The following CRACR2A variants were observed in gnomAD, a reference collection of about 807,000 sequenced individuals.
CRACR2A encodes the protein calcium release activated channel regulator 2A, also known as EF-hand calcium-binding domain-containing protein 4B.
A neutral mutation model predicts 90.5 loss-of-function variants in CRACR2A; 79 were observed. That is an observed-to-expected ratio of 0.87 (90% CI 0.73 to 1.05). CRACR2A has a LOEUF of 1.05. CRACR2A is among the 50% of genes least tolerant of loss of function. The probability of loss-of-function intolerance (pLI) is 0.00; values close to 1 mark genes in which losing one functional copy is unlikely to be tolerated. For synonymous variants in CRACR2A, 338 were observed against 356.7 expected (o/e 0.95, Z 0.59); for missense variants, 823 against 897.2 (o/e 0.92, Z 1.06).
chr12:3,648,422 G>C (rs1944730538), intron 11 of CRACR2A, 120 bp downstream of exon 11: 1 of 1,585,884 alleles, frequency 6.3e-7, no homozygotes, highest in Non-Finnish European at 8.6e-7. Flanking sequence ...GGGAATTGAG[G>C]GCACTCTCTC....
At chr12:3,683,191 C>A (rs1945489138) in intron 4 of CRACR2A, among the ~76,000 whole-genome samples, 1 of 152,200 alleles carries the variant, frequency 6.6e-6, no homozygotes, top group Non-Finnish European at 1.5e-5. Flanking sequence ...AGTCACAGTG[C>A]AGACCACAGC....
intron 1 of CRACR2A, among the ~76,000 whole-genome samples, chr12:3,740,289 A>C (rs1346997606): frequency 6.6e-6 from 1 of 152,200 alleles, no homozygotes; most frequent in East Asian, 1.9e-4. Context: ...GGTAGCTAAG[A>C]AAAGTTAGCT....
chr12:3,674,582 G>A (rs1263202958), intron 6 of CRACR2A, among the ~76,000 whole-genome samples: 1 of 152,210 alleles, frequency 6.6e-6, no homozygotes, highest in Non-Finnish European at 1.5e-5. Context: ...GAGTGTTATA[G>A]CATCAAGTTT....
intron 11 of CRACR2A, among the ~76,000 whole-genome samples, chr12:3,645,707 G>T (rs950571285): frequency 1.3e-5 from 2 of 152,178 alleles, no homozygotes; most frequent in African/African-American, 2.4e-5. Context: ...CGGGGAAAAG[G>T]CCTGATTGGT....
intron 18 of CRACR2A, among the ~76,000 whole-genome samples, chr12:3,619,001 A>T (rs1339617642): frequency 6.6e-6 from 1 of 152,196 alleles, no homozygotes; most frequent in African/African-American, 2.4e-5. Flanking sequence ...TAGAATGTAT[A>T]CTTCTGAGTT....
At chr12:3,663,805 C>T (rs947641540) in intron 7 of CRACR2A, among the ~76,000 whole-genome samples, 3 of 152,124 alleles carry the variant, frequency 2.0e-5, no homozygotes, top group East Asian at 1.9e-4. Context: ...TTACAGTTGA[C>T]GTATGTGGAA....
At position 3,617,066 on chromosome 12, in the gene CRACR2A, G is replaced by A. The variant is rs1196353415; in HGVS notation, c.2035-36C>T. On this transcript the variant is annotated intron_variant, in intron 18 of 19. Transcript: ENST00000440314. ...AAAACAGAGCGAATACAAGAGTATTGGAGTGAGAGGGGATTGTGGGGGGTG... is the reference window on the plus strand; with the variant it reads ...AAAACAGAGCGAATACAAGAGTATTAGAGTGAGAGGGGATTGTGGGGGGTG... 3.4e-6 allele frequency: 5 copies of A among 1,486,444 alleles called. No individual in the cohort carries two copies. The South Asian group carries it at 6.0e-5, about 18-fold the overall frequency. 92.1% of individuals were successfully genotyped at this position (1,486,444 alleles called of 1,614,324 possible).
Position 3,652,955 on chromosome 12 carries a change from C to T in CRACR2A, c.1046+1257G>A, listed in dbSNP as rs931843770. ...AACCTCTGAACCTCAGTTTCCTCCT[C>T]GATAATAGCAGAACCTGCTATACCA... is the stretch of plus-strand genomic sequence containing the variant. On this transcript the variant is annotated intron_variant, in intron 10 of 19. Coordinates refer to ENST00000440314, the MANE Select transcript of CRACR2A (RefSeq NM_001144958.2). Among the ~76,000 whole-genome samples the T allele has an allele frequency of 9.2e-5, 14 of 152,198 alleles. No individual in the cohort carries two copies. In the East Asian group the frequency reaches 9.7e-4, roughly 11 times the overall value.
At chr12:3,666,356 CGTGCGTGT>C (rs1173925105) in intron 7 of CRACR2A, among the ~76,000 whole-genome samples, 13 of 144,704 alleles carry the variant, frequency 9.0e-5, no homozygotes, top group African/African-American at 3.1e-4. Flanking sequence ...TGTGTGTGTG[CGTGCGTGT>C]GCGCGTGCGC....
At chr12:3,626,076 C>A (rs1261130551) in intron 17 of CRACR2A, among the ~76,000 whole-genome samples, 1 of 152,228 alleles carries the variant, frequency 6.6e-6, no homozygotes, top group Non-Finnish European at 1.5e-5. Flanking sequence ...GTAAGTGCGT[C>A]AGGCACAGTA....
chr12:3,660,548 C>T (rs894278192), intron 7 of CRACR2A, among the ~76,000 whole-genome samples: 3 of 151,952 alleles, frequency 2.0e-5, no homozygotes, highest in Non-Finnish European at 4.4e-5. Context: ...CACGGATGAC[C>T]CTTTTCTGCT....
At chr12:3,616,682 A>G (rs536863554) in intron 19 of CRACR2A, among the ~76,000 whole-genome samples, 11 of 152,358 alleles carry the variant, frequency 7.2e-5, no homozygotes, top group South Asian at 2.1e-4. Context: ...TCCCTAGGAA[A>G]AGGCAGCCTT....
chr12:3,720,970 C>T (rs1029743928), intron 2 of CRACR2A, among the ~76,000 whole-genome samples: 2 of 152,198 alleles, frequency 1.3e-5, no homozygotes, highest in African/African-American at 4.8e-5. Flanking sequence ...CTTTATTACC[C>T]GCCTGTGGCT....
At chr12:3,688,751 G>A (rs1945606788) in intron 4 of CRACR2A, among the ~76,000 whole-genome samples, 1 of 152,180 alleles carries the variant, frequency 6.6e-6, no homozygotes, top group Admixed American at 6.5e-5. Flanking sequence ...GACATGAATG[G>A]CATTGAATGT....
At chr12:3,697,799 G>A (rs1945768234) in intron 3 of CRACR2A, among the ~76,000 whole-genome samples, 1 of 152,214 alleles carries the variant, frequency 6.6e-6, no homozygotes, top group Non-Finnish European at 1.5e-5. Flanking sequence ...TAGAGGACTT[G>A]CCAGGCCTGG....
intron 4 of CRACR2A, among the ~76,000 whole-genome samples, chr12:3,692,535 G>A (rs2137678533): frequency 6.6e-6 from 1 of 152,132 alleles, no homozygotes; most frequent in East Asian, 1.9e-4. Flanking sequence ...TTGGGGGTGA[G>A]GTGCTTCTGG....
chr12:3,622,579 T>G (rs1944168269), intron 17 of CRACR2A, among the ~76,000 whole-genome samples: 1 of 152,204 alleles, frequency 6.6e-6, no homozygotes, highest in South Asian at 2.1e-4. Flanking sequence ...TGGATTGGCA[T>G]TCAGCTCAGA....
intron 3 of CRACR2A, among the ~76,000 whole-genome samples, chr12:3,701,386 A>G (rs1945831342): frequency 6.6e-6 from 1 of 152,130 alleles, no homozygotes; most frequent in African/African-American, 2.4e-5. Flanking sequence ...TAGAAAGCAG[A>G]AAAGCAATGG....
intron 8 of CRACR2A, among the ~76,000 whole-genome samples, chr12:3,656,742 T>C (rs1944916666): frequency 6.6e-6 from 1 of 152,128 alleles, no homozygotes; most frequent in Admixed American, 6.5e-5. Flanking sequence ...GGGGCTGAGT[T>C]CAAACATCAG....
Sources: gnomAD v4.1 joint callset for allele counts (sites outside exome capture counted in the v4.1 genomes callset) on GRCh38, gnomAD v4.1.1 for gene constraint, MANE v1.5 for transcripts, NCBI Gene and HGNC (gene_info 2026-07-23, HGNC 2026-07-21) for gene names.